The following CNTNAP2 variants were observed in gnomAD, a reference collection of about 807,000 sequenced individuals.
CNTNAP2 encodes the protein contactin associated protein 2.
CNTNAP2 carries 98 observed loss-of-function variants against 155.2 expected under a neutral mutation model. That is an observed-to-expected ratio of 0.63 (90% CI 0.54 to 0.75). CNTNAP2 has a LOEUF of 0.75. Ranked by LOEUF, CNTNAP2 falls within the 30% of genes least tolerant of loss-of-function variation. CNTNAP2 has a pLI of 0.00. For synonymous variants in CNTNAP2, 651 were observed against 631.2 expected (o/e 1.03, Z -0.47); for missense variants, 1,727 against 1,688.1 (o/e 1.02, Z -0.40).
At chr7:147,223,892 G>T (rs1345947705) in intron 8 of CNTNAP2, among the ~76,000 whole-genome samples, 4 of 139,744 alleles carry the variant, frequency 2.9e-5, no homozygotes, top group Admixed American at 7.8e-5. Flanking sequence ...AGTGAGCCAA[G>T]ATCCAGCCAC....
At chr7:146,850,147 C>T (rs768720492) in intron 3 of CNTNAP2, among the ~76,000 whole-genome samples, 2 of 152,178 alleles carry the variant, frequency 1.3e-5, no homozygotes, top group South Asian at 2.1e-4. Context: ...AGATATAGTG[C>T]TGACAGGCTG....
intron 1 of CNTNAP2, among the ~76,000 whole-genome samples, chr7:146,263,070 G>A (rs933915488): frequency 6.6e-6 from 1 of 152,120 alleles, no homozygotes; most frequent in Non-Finnish European, 1.5e-5. Flanking sequence ...TGTAATCCCA[G>A]CACTTTGGGA....
At chr7:146,134,814 A>G (rs377246066) in intron 1 of CNTNAP2, among the ~76,000 whole-genome samples, 2,867 of 151,830 alleles carry the variant, frequency 0.019, 91 homozygotes, top group African/African-American at 0.064. Flanking sequence ...TCGGTTTGCC[A>G]GTATTTTATT....
intron 1 of CNTNAP2, among the ~76,000 whole-genome samples, chr7:146,688,114 A>G (rs1294486593): frequency 1.3e-5 from 2 of 152,178 alleles, no homozygotes; most frequent in East Asian, 3.9e-4. Flanking sequence ...GGAATCCCAC[A>G]GCATTAAATA....
At chr7:147,962,985 G>A (rs1463319599) in intron 14 of CNTNAP2, among the ~76,000 whole-genome samples, 1 of 152,116 alleles carries the variant, frequency 6.6e-6, no homozygotes, top group Admixed American at 6.6e-5. Context: ...GTGACAATAA[G>A]ATATACCATG....
intron 8 of CNTNAP2, among the ~76,000 whole-genome samples, chr7:147,274,985 G>T (rs1339309667): frequency 2.0e-5 from 3 of 151,568 alleles, no homozygotes; most frequent in Non-Finnish European, 3.0e-5. Context: ...GTTGTGTGTG[G>T]CTTTATTTCT....
intron 8 of CNTNAP2, among the ~76,000 whole-genome samples, chr7:147,289,739 T>A (rs1366336518): frequency 6.6e-6 from 1 of 152,174 alleles, no homozygotes; most frequent in Non-Finnish European, 1.5e-5. Flanking sequence ...ACATTTAGTC[T>A]TGGGGTAGTT....
chr7:146,590,092 C>T (rs1365851324), intron 1 of CNTNAP2, among the ~76,000 whole-genome samples: 4 of 152,110 alleles, frequency 2.6e-5, no homozygotes, highest in African/African-American at 9.7e-5. Context: ...TTTCCGGCTT[C>T]GTTGTCTTCT....
chr7:146,714,690 A>T (rs745336713), intron 1 of CNTNAP2, among the ~76,000 whole-genome samples: 22 of 152,222 alleles, frequency 1.4e-4, no homozygotes, highest in Non-Finnish European at 2.9e-4. Flanking sequence ...TCATATGGAC[A>T]TAAGAATTAA....
intron 8 of CNTNAP2, among the ~76,000 whole-genome samples, chr7:147,142,437 G>A (rs948393445): frequency 6.6e-6 from 1 of 152,170 alleles, no homozygotes; most frequent in Non-Finnish European, 1.5e-5. Flanking sequence ...CTTGATCATG[G>A]TGGATAAGCT....
chr7:146,396,625 A>G (rs1718077), intron 1 of CNTNAP2, among the ~76,000 whole-genome samples: 20,115 of 151,714 alleles, frequency 0.13, 1,622 homozygotes, highest in African/African-American at 0.23. Flanking sequence ...TAAAAGTCGC[A>G]TTATTATTAC....
intron 4 of CNTNAP2, among the ~76,000 whole-genome samples, chr7:147,048,238 T>A (rs1171873474): frequency 6.6e-6 from 1 of 151,984 alleles, no homozygotes; most frequent in Non-Finnish European, 1.5e-5. Flanking sequence ...CAATCACATG[T>A]GTCATTGTAA....
intron 1 of CNTNAP2, among the ~76,000 whole-genome samples, chr7:146,303,217 T>C (rs1437437302): frequency 6.6e-6 from 1 of 151,790 alleles, no homozygotes; most frequent in Non-Finnish European, 1.5e-5. Flanking sequence ...CTATAGGAAA[T>C]GACACTTAGG....
At chr7:146,508,469 T>A (rs759755856) in intron 1 of CNTNAP2, among the ~76,000 whole-genome samples, 13 of 152,236 alleles carry the variant, frequency 8.5e-5, no homozygotes, top group Non-Finnish European at 1.9e-4. Context: ...GGCCTCTGTC[T>A]ATGTATGCAA....
intron 3 of CNTNAP2, among the ~76,000 whole-genome samples, chr7:146,996,968 T>C (rs986448333): frequency 3.3e-5 from 5 of 152,108 alleles, no homozygotes; most frequent in Admixed American, 2.0e-4. Flanking sequence ...TTGGCTCTCA[T>C]TCTCTCTCTT....
chr7:148,415,632 C>CTATGGGATAGGGAGGAGGGAAT lies in CNTNAP2; in HGVS notation c.*19_*40dup, dbSNP rs769438737. The stretch of plus-strand genomic sequence containing the variant: ...GCTCATTTGAGGGGTGGCTACTTGG[C>CTATGGGATAGGGAGGAGGGAAT]TATGGGATAGGGAGGAGGGAATTAC... On this transcript the variant is annotated 3_prime_UTR_variant, in exon 24 of 24. Coordinates refer to ENST00000361727, the MANE Select transcript of CNTNAP2 (RefSeq NM_014141.6). 6.2e-7 allele frequency: 1 copy of CTATGGGATAGGGAGGAGGGAAT among 1,613,948 alleles called. No homozygotes were observed. The highest frequency in any genetic ancestry group is 1.3e-5 in the African/African-American group (1 of 74,954).
Position 148,213,958 on chromosome 7 carries a change from G to A in CNTNAP2, c.3011-3330G>A, listed in dbSNP as rs139004356. Among the ~76,000 whole-genome samples the A allele has an allele frequency of 7.5e-3, 1,138 of 152,326 alleles. 6 individuals are homozygous for A. Among genetic ancestry groups the A allele is most frequent in the Non-Finnish European group, 0.012 (803 of 68,020 alleles). ...AGAAGCACGTGAAGTTTGTCCAGGC[G>A]GCATGATGCCTCAGACTTCAGACCC... is the stretch of plus-strand genomic sequence containing the variant. On this transcript the variant is annotated intron_variant, in intron 18 of 23. Coordinates refer to ENST00000361727, the MANE Select transcript of CNTNAP2 (RefSeq NM_014141.6).
chr7:147,057,829 T>C (rs148348014), intron 4 of CNTNAP2, among the ~76,000 whole-genome samples: 88 of 152,310 alleles, frequency 5.8e-4, no homozygotes, highest in Non-Finnish European at 1.0e-3. Context: ...TGTCTGTTAT[T>C]TGCAGAAAGC....
rs1798020582 is a variant in CNTNAP2, at chr7:146,981,682, CAG to C, written c.403-62224_403-62223del. ...TTTAAAGTTATTTCAGAAGAGGTCACAGGGGAAGAAAGATCCAGAAAAGTGGA... is the reference window on the plus strand; with the variant it reads ...TTTAAAGTTATTTCAGAAGAGGTCACGGGAAGAAAGATCCAGAAAAGTGGA... On this transcript the variant is annotated intron_variant, in intron 3 of 23. Coordinates refer to ENST00000361727, the MANE Select transcript of CNTNAP2 (RefSeq NM_014141.6). Among the ~76,000 whole-genome samples the C allele has an allele frequency of 3.3e-5, 5 of 152,056 alleles. No individual in the cohort carries two copies. The South Asian group carries it at 1.0e-3, about 32-fold the overall frequency.
Sources: gnomAD v4.1 joint callset for allele counts (sites outside exome capture counted in the v4.1 genomes callset) on GRCh38, gnomAD v4.1.1 for gene constraint, MANE v1.5 for transcripts, NCBI Gene and HGNC (gene_info 2026-07-23, HGNC 2026-07-21) for gene names.